TENM2: variants seen among roughly 807,000 people sequenced by gnomAD.
TENM2 encodes teneurin transmembrane protein 2, also known as teneurin-2.
In TENM2, 52 loss-of-function variants were observed where a neutral mutation model predicts 245.2. The ratio of observed to expected loss-of-function variants is 0.21; its 90% confidence interval spans 0.17 to 0.27. TENM2 has a LOEUF of 0.27. Ranked by LOEUF, TENM2 falls within the 10% of genes least tolerant of loss-of-function variation. The probability of loss-of-function intolerance (pLI) is 1.00; values close to 1 mark genes in which losing one functional copy is unlikely to be tolerated. For synonymous variants in TENM2, 1,363 were observed against 1,438.9 expected (o/e 0.95, Z 1.19); for missense variants, 3,046 against 3,666.8 (o/e 0.83, Z 4.37).
intron 25 of TENM2, among the ~76,000 whole-genome samples, chr5:168,236,796 T>C (rs1209982486): frequency 6.7e-6 from 1 of 149,958 alleles, no homozygotes; most frequent in Non-Finnish European, 1.5e-5. Flanking sequence ...AATGAATGAA[T>C]GGGATTTTCC....
intron 2 of TENM2, among the ~76,000 whole-genome samples, chr5:167,495,034 T>G (rs1247768552): frequency 6.6e-6 from 1 of 152,076 alleles, no homozygotes; most frequent in Admixed American, 6.6e-5. Flanking sequence ...GTGGAACTTT[T>G]TAATATAAAG....
chr5:167,783,302 A>G (rs2911500), intron 2 of TENM2, among the ~76,000 whole-genome samples: 148,360 of 151,736 alleles, frequency 0.98, 72,614 homozygotes, highest in East Asian at 1. Flanking sequence ...GGTCATGTTC[A>G]TCTGGGAGAT....
intron 3 of TENM2, among the ~76,000 whole-genome samples, chr5:167,905,105 A>G (rs559021485): frequency 1.3e-5 from 2 of 152,302 alleles, no homozygotes; most frequent in African/African-American, 4.8e-5. Context: ...GGTTGCAACT[A>G]TTATTACTAG....
At chr5:167,576,829 T>C (rs1561567622) in intron 2 of TENM2, among the ~76,000 whole-genome samples, 2 of 152,148 alleles carry the variant, frequency 1.3e-5, no homozygotes, top group African/African-American at 4.8e-5. Context: ...TATTAAGTGC[T>C]TAATAGATCT....
intron 2 of TENM2, among the ~76,000 whole-genome samples, chr5:167,647,359 A>C (rs28634400): frequency 0.16 from 24,114 of 152,078 alleles, 2,073 homozygotes; most frequent in South Asian, 0.23. Flanking sequence ...CAGTGGCTCA[A>C]GCCTGTAAAT....
intron 1 of TENM2, among the ~76,000 whole-genome samples, chr5:167,362,242 G>T (rs1759762293): frequency 2.0e-5 from 3 of 152,182 alleles, no homozygotes; most frequent in African/African-American, 7.2e-5. Context: ...AGGAAGCTAT[G>T]GTCTTGCCAT....
intron 5 of TENM2, among the ~76,000 whole-genome samples, chr5:168,025,434 A>G (rs1351344982): frequency 6.6e-6 from 1 of 152,020 alleles, no homozygotes; most frequent in Non-Finnish European, 1.5e-5. Flanking sequence ...TTTTTTCTTC[A>G]TATATGTTAG....
intron 2 of TENM2, among the ~76,000 whole-genome samples, chr5:167,801,417 T>C (rs1399790589): frequency 1.3e-5 from 2 of 151,962 alleles, no homozygotes; most frequent in African/African-American, 4.8e-5. Context: ...CTAATGGAAC[T>C]AACAGTCAGT....
intron 2 of TENM2, among the ~76,000 whole-genome samples, chr5:167,513,014 C>G (rs1295807633): frequency 6.6e-6 from 1 of 152,090 alleles, no homozygotes; most frequent in Non-Finnish European, 1.5e-5. Context: ...CTAAGTGTAA[C>G]TGGTTTGAAG....
Position 167,767,463 on chromosome 5 carries a change from C to T in TENM2, c.503-108523C>T, listed in dbSNP as rs55962101. On this transcript the variant is annotated intron_variant, in intron 2 of 28. Coordinates refer to ENST00000518659, the Ensembl canonical transcript of TENM2. ...TTGGTTTGAAAAGACAAAAGACCTC[C>T]GGAGATGGATGGTGATGATGGCTGC... Among the ~76,000 whole-genome samples the T allele has an allele frequency of 8.4e-3, 1,281 of 152,158 alleles. 13 individuals are homozygous for T. The highest frequency in any genetic ancestry group is 0.028 in the African/African-American group (1,169 of 41,512).
chr5:167,492,405 A>C (rs1768488668), intron 2 of TENM2, among the ~76,000 whole-genome samples: 1 of 152,088 alleles, frequency 6.6e-6, no homozygotes, highest in Non-Finnish European at 1.5e-5. Context: ...GCATCTGGCA[A>C]GGATACAATA....
chr5:168,234,794 A>AC (rs1765272369), intron 25 of TENM2, among the ~76,000 whole-genome samples: 1 of 152,248 alleles, frequency 6.6e-6, no homozygotes, highest in Non-Finnish European at 1.5e-5. Flanking sequence ...TGTGATTTAC[A>AC]TAGAGATTGC....
At chr5:168,076,136 C>T (rs1021642234) in intron 7 of TENM2, among the ~76,000 whole-genome samples, 3 of 151,894 alleles carry the variant, frequency 2.0e-5, no homozygotes, top group African/African-American at 7.3e-5. Flanking sequence ...TGACCATTCA[C>T]CTGTTGATGG....
At chr5:167,032,368 T>C in the TENM2 span, among the ~76,000 whole-genome samples, 1 of 152,206 alleles carries the variant, frequency 6.6e-6, no homozygotes. Flanking sequence ...TTTGGGTTTC[T>C]GTATAGTCAA....
chr5:167,304,508 C>T (rs1001599355), intron 1 of TENM2, among the ~76,000 whole-genome samples: 8 of 152,164 alleles, frequency 5.3e-5, no homozygotes, highest in Non-Finnish European at 8.8e-5. Flanking sequence ...ATGTGTAGTG[C>T]AGGACTTCTT....
At chr5:167,178,211 T>C in the TENM2 span, among the ~76,000 whole-genome samples, 1 of 152,150 alleles carries the variant, frequency 6.6e-6, no homozygotes, top group Non-Finnish European at 1.5e-5. Context: ...AAGTGACAAG[T>C]TGAGGTGGAA....
At chr5:167,962,888 G>C (rs1211931993) in intron 4 of TENM2, among the ~76,000 whole-genome samples, 1 of 152,044 alleles carries the variant, frequency 6.6e-6, no homozygotes, top group Non-Finnish European at 1.5e-5. Flanking sequence ...ATTTGGGTAG[G>C]GACACAACCA....
chr5:167,416,454 T>C (rs1029183761), intron 2 of TENM2, among the ~76,000 whole-genome samples: 1 of 152,170 alleles, frequency 6.6e-6, no homozygotes, highest in Admixed American at 6.6e-5. Flanking sequence ...CAAGTAGTTT[T>C]TAAGCAACTT....
chr5:167,009,221 C>A, the TENM2 span, among the ~76,000 whole-genome samples: 1 of 152,122 alleles, frequency 6.6e-6, no homozygotes, highest in Non-Finnish European at 1.5e-5. Context: ...GTGACATACA[C>A]CCCTACACAC....
Sources: allele counts gnomAD v4.1 joint callset (sites outside exome capture counted in the v4.1 genomes callset), GRCh38; gene constraint gnomAD v4.1.1; transcripts MANE v1.5; gene names NCBI Gene and HGNC (gene_info 2026-07-23, HGNC 2026-07-21).